CNTNAP5: variants seen among roughly 807,000 people sequenced by gnomAD.
CNTNAP5 encodes the protein contactin associated protein family member 5, also known as contactin-associated protein-like 5.
In CNTNAP5, 72 loss-of-function variants were observed where a neutral mutation model predicts 150.2. The observed-to-expected ratio is 0.48, with a 90% CI of 0.40 to 0.58. The LOEUF is 0.58. CNTNAP5 is among the 20% of genes least tolerant of loss of function. The probability of loss-of-function intolerance (pLI) is 0.00; values close to 1 mark genes in which losing one functional copy is unlikely to be tolerated. For synonymous variants in CNTNAP5, 672 were observed against 619.8 expected (o/e 1.08, Z -1.25); for missense variants, 1,636 against 1,626.2 (o/e 1.01, Z -0.10).
At chr2:124,128,550 C>T (rs1392744445) in intron 1 of CNTNAP5, among the ~76,000 whole-genome samples, 2 of 152,168 alleles carry the variant, frequency 1.3e-5, no homozygotes, top group Non-Finnish European at 2.9e-5. Context: ...ACCCAGCCAT[C>T]CCATTACTGG....
chr2:124,649,499 A>T (rs529719479), intron 13 of CNTNAP5, among the ~76,000 whole-genome samples: 5 of 152,188 alleles, frequency 3.3e-5, no homozygotes, highest in African/African-American at 9.6e-5. Context: ...GTTCATTCTG[A>T]CTATGGGACT....
intron 8 of CNTNAP5, among the ~76,000 whole-genome samples, chr2:124,520,605 T>A (rs1386494449): frequency 6.6e-6 from 1 of 152,216 alleles, no homozygotes; most frequent in Non-Finnish European, 1.5e-5. Context: ...AATTGTATGT[T>A]TGTCCTCATC....
rs150464261 is a variant in CNTNAP5, at chr2:124,495,952, A to G, written c.1063-8340A>G. On this transcript the variant is annotated intron_variant, in intron 7 of 23. Transcript: ENST00000682447. ...ACAATGCTTTGTTACATGCTCTCCC[A>G]GCAGAATACGTGTCTCCCTCATGGC... Among the ~76,000 whole-genome samples the G allele has an allele frequency of 2.0e-3, 306 of 152,114 alleles. 1 individual carries two copies. Among genetic ancestry groups the G allele is most frequent in the African/African-American group, 6.9e-3 (288 of 41,500 alleles).
chr2:124,852,977 G>A (rs1424032641), intron 19 of CNTNAP5, among the ~76,000 whole-genome samples: 1 of 152,210 alleles, frequency 6.6e-6, no homozygotes, highest in East Asian at 1.9e-4. Flanking sequence ...TTTTGGTGAG[G>A]ACAATCTGGT....
intron 19 of CNTNAP5, among the ~76,000 whole-genome samples, chr2:124,840,059 G>A (rs11904176): frequency 0.05 from 7,664 of 152,076 alleles, 555 homozygotes; most frequent in African/African-American, 0.16. Flanking sequence ...CACTTAATAC[G>A]TGTAAGGAAG....
At chr2:124,345,339 C>T (rs1689712572) in intron 3 of CNTNAP5, among the ~76,000 whole-genome samples, 1 of 152,144 alleles carries the variant, frequency 6.6e-6, no homozygotes, top group Non-Finnish European at 1.5e-5. Flanking sequence ...GCTTCTGAGG[C>T]CTAGTTTCCT....
At chr2:124,255,117 G>A (rs548797531) in intron 3 of CNTNAP5, among the ~76,000 whole-genome samples, 111 of 152,292 alleles carry the variant, frequency 7.3e-4, no homozygotes, top group Non-Finnish European at 1.3e-3. Context: ...GCCAGGTGTG[G>A]TGGCATGCAC....
At position 124,581,971 on chromosome 2, in the gene CNTNAP5, C is replaced by A. The variant is rs183479695; in HGVS notation, c.1756+18648C>A. Among the ~76,000 whole-genome samples, 386 of 152,252 alleles carry A rather than the reference C, an allele frequency of 2.5e-3. 1 individual carries two copies. Among genetic ancestry groups the A allele is most frequent in the Non-Finnish European group, 3.2e-4 (22 of 68,012 alleles). On this transcript the variant is annotated intron_variant, in intron 11 of 23. Coordinates refer to ENST00000682447, the MANE Select transcript of CNTNAP5 (RefSeq NM_001367498.1). ...TGGTGCTGTTTCACAAACACGGAGG[C>A]AGGGGCTTAGAGTAGGAGTTTAAAT...
chr2:124,750,855 G>A (rs61576101), intron 14 of CNTNAP5, among the ~76,000 whole-genome samples: 173 of 151,846 alleles, frequency 1.1e-3, no homozygotes, highest in African/African-American at 3.8e-3. Flanking sequence ...ATGGTGGTGC[G>A]TGCCTGTAGT....
At chr2:124,389,790 C>A (rs969951712) in intron 3 of CNTNAP5, among the ~76,000 whole-genome samples, 1 of 152,082 alleles carries the variant, frequency 6.6e-6, no homozygotes, top group East Asian at 1.9e-4. Context: ...TATAGCAAGA[C>A]CCTGTCTCTA....
intron 8 of CNTNAP5, among the ~76,000 whole-genome samples, chr2:124,522,313 T>C (rs903027515): frequency 6.6e-6 from 1 of 152,212 alleles, no homozygotes; most frequent in African/African-American, 2.4e-5. Context: ...GAAATAGCTC[T>C]GAATCCATCA....
intron 3 of CNTNAP5, among the ~76,000 whole-genome samples, chr2:124,324,925 G>A (rs1246132612): frequency 2.6e-5 from 4 of 152,122 alleles, no homozygotes; most frequent in African/African-American, 7.2e-5. Context: ...ATAAGCACAC[G>A]GTTTGTGAAA....
chr2:124,265,207 C>CA (rs1255390330), intron 3 of CNTNAP5, among the ~76,000 whole-genome samples: 1 of 152,190 alleles, frequency 6.6e-6, no homozygotes, highest in African/African-American at 2.4e-5. Context: ...ATAAAGCTCC[C>CA]ACTGTGCACT....
chr2:124,601,417 T>C (rs1696980782), intron 11 of CNTNAP5, among the ~76,000 whole-genome samples: 1 of 152,180 alleles, frequency 6.6e-6, no homozygotes, highest in African/African-American at 2.4e-5. Context: ...CAGACATTTG[T>C]TTACAAATAC....
chr2:124,825,499 T>C (rs948541013), intron 19 of CNTNAP5, among the ~76,000 whole-genome samples: 3 of 152,148 alleles, frequency 2.0e-5, no homozygotes, highest in African/African-American at 7.2e-5. Context: ...GAACACCTCT[T>C]ATACTGTGGG....
intron 1 of CNTNAP5, among the ~76,000 whole-genome samples, chr2:124,197,528 C>G (rs929091157): frequency 2.6e-5 from 4 of 152,116 alleles, no homozygotes; most frequent in African/African-American, 9.7e-5. Context: ...ACAAGCAGAT[C>G]CATCATGAAT....
At position 124,564,319 on chromosome 2, in the gene CNTNAP5, G is replaced by C. The variant is rs150565269; in HGVS notation, c.1756+996G>C. ...GAGTGAGGGATAGAAAACAAATAAA[G>C]AATATGAGCCTTGATTTTTTATTTG... is the stretch of plus-strand genomic sequence containing the variant. On this transcript the variant is annotated intron_variant, in intron 11 of 23. Transcript: ENST00000682447. Among the ~76,000 whole-genome samples the C allele has an allele frequency of 3.3e-5, 5 of 152,168 alleles. No homozygotes were observed. The East Asian group carries it at 9.7e-4, about 29-fold the overall frequency.
chr2:124,031,557 T>C (rs1164961363), intron 1 of CNTNAP5, among the ~76,000 whole-genome samples: 3 of 152,188 alleles, frequency 2.0e-5, no homozygotes, highest in Non-Finnish European at 2.9e-5. Flanking sequence ...CCTGCAGCTA[T>C]AGAAGCTTTC....
At chr2:124,909,063 G>A (rs954142905) in intron 22 of CNTNAP5, among the ~76,000 whole-genome samples, 2 of 152,216 alleles carry the variant, frequency 1.3e-5, no homozygotes, top group Non-Finnish European at 2.9e-5. Flanking sequence ...GTCAATAAAT[G>A]TAGTGTAGCC....
Sources: allele counts gnomAD v4.1 joint callset (sites outside exome capture counted in the v4.1 genomes callset), GRCh38; gene constraint gnomAD v4.1.1; transcripts MANE v1.5; gene names NCBI Gene and HGNC (gene_info 2026-07-23, HGNC 2026-07-21).